Variants in ERBB4 observed in about 807,000 individuals in gnomAD.
ERBB4 encodes the protein receptor tyrosine-protein kinase erbB-4.
A neutral mutation model predicts 158.0 loss-of-function variants in ERBB4; 42 were observed. The observed-to-expected ratio is 0.27, with a 90% CI of 0.21 to 0.34. The LOEUF (loss-of-function observed/expected upper bound fraction) is 0.34, where lower values mean the gene tolerates loss of function less well. Ranked by LOEUF, ERBB4 falls within the 10% of genes least tolerant of loss-of-function variation. The probability of loss-of-function intolerance (pLI) is 1.00; values close to 1 mark genes in which losing one functional copy is unlikely to be tolerated. For synonymous variants in ERBB4, 583 were observed against 558.7 expected, an observed-to-expected ratio of 1.04 and a Z score of -0.61; for missense variants, 1,333 against 1,624.1, an observed-to-expected ratio of 0.82 and a Z score of 3.08.
intron 2 of ERBB4, among the ~76,000 whole-genome samples, chr2:212,067,760 T>C (rs1055690721): frequency 6.6e-6 from 1 of 152,036 alleles, no homozygotes; most frequent in Non-Finnish European, 1.5e-5. Context: ...CTTAATTTTC[T>C]CTTTACTTAT....
chr2:212,318,032 T>C (rs2087374200), intron 1 of ERBB4, among the ~76,000 whole-genome samples: 1 of 151,684 alleles, frequency 6.6e-6, no homozygotes, highest in African/African-American at 2.4e-5. Context: ...TGAATACTTA[T>C]GCTTGATCCA....
At chr2:212,170,748 G>A (rs2081491134) in intron 1 of ERBB4, among the ~76,000 whole-genome samples, 1 of 152,154 alleles carries the variant, frequency 6.6e-6, no homozygotes, top group African/African-American at 2.4e-5. Context: ...TGTTGGGTCT[G>A]CAGGCACATG....
At chr2:211,757,816 A>C (rs1196177131) in intron 4 of ERBB4, among the ~76,000 whole-genome samples, 1 of 152,212 alleles carries the variant, frequency 6.6e-6, no homozygotes, top group African/African-American at 2.4e-5. Context: ...GGCCTTCTGG[A>C]AACATAGATC....
In ERBB4 at chr2:212,095,946, GA is replaced by G. The variant is rs35084866; in HGVS notation, c.234+28805del. 3.1e-3 allele frequency among the ~76,000 whole-genome samples: 404 copies of G among 130,162 alleles called. 1 individual carries two copies. The highest frequency in any genetic ancestry group is 0.011 in the African/African-American group (368 of 34,110). The allele number at this position is 130,162 out of a possible 152,430, so 85.4% of individuals were successfully genotyped here. Reference sequence around the variant, plus strand: ...CGAGACTCTGTCTCAAAAAAAAAAAGAAAAAAAAAAAAAGAAAGAAAGAAGG... The same window carrying G: ...CGAGACTCTGTCTCAAAAAAAAAAAGAAAAAAAAAAAAGAAAGAAAGAAGG... On this transcript the variant is annotated intron_variant, in intron 2 of 27. Transcript: ENST00000342788.
chr2:212,111,274 A>G (rs1320498519), intron 2 of ERBB4, among the ~76,000 whole-genome samples: 4 of 152,190 alleles, frequency 2.6e-5, no homozygotes, highest in Non-Finnish European at 5.9e-5. Flanking sequence ...CTCTGCCTTC[A>G]ACTGCCACTC....
chr2:212,483,295 G>A (rs1206563550), intron 1 of ERBB4, among the ~76,000 whole-genome samples: 2 of 152,162 alleles, frequency 1.3e-5, no homozygotes, highest in Non-Finnish European at 2.9e-5. Flanking sequence ...GAGCATTCAG[G>A]ATTCATAAGT....
At chr2:212,215,485 TTTC>T (rs2083070192) in intron 1 of ERBB4, among the ~76,000 whole-genome samples, 1 of 151,406 alleles carries the variant, frequency 6.6e-6, no homozygotes, top group South Asian at 2.1e-4. Context: ...TGAGTTATGA[TTTC>T]TTAATATTTC....
chr2:212,288,706 G>A (rs1328406318), intron 1 of ERBB4, among the ~76,000 whole-genome samples: 3 of 152,046 alleles, frequency 2.0e-5, no homozygotes, highest in East Asian at 3.9e-4. Context: ...GTTGTGTGAC[G>A]AGAACCCCGT....
chr2:212,302,744 A>G (rs76799245), intron 1 of ERBB4, among the ~76,000 whole-genome samples: 4,598 of 151,606 alleles, frequency 0.03, 181 homozygotes, highest in African/African-American at 0.093. Context: ...AGATTTGCCT[A>G]AGTAATTAGT....
rs948367561 is a variant in ERBB4 at position 212,464,816 on chromosome 2, A to T, written c.82+73633T>A. On this transcript the variant is annotated intron_variant, in intron 1 of 27. Transcript: ENST00000342788. Reference sequence around the variant, plus strand: ...TTTGAAAACAGCAACAATGATTTACATATAGTCGGCACTCAAAACTATTTG... The same window carrying T: ...TTTGAAAACAGCAACAATGATTTACTTATAGTCGGCACTCAAAACTATTTG... Among the ~76,000 whole-genome samples the T allele has an allele frequency of 3.9e-5, 6 of 152,080 alleles. 1 individual carries two copies. Among genetic ancestry groups the T allele is most frequent in the African/African-American group, 1.4e-4 (6 of 41,430 alleles).
At chr2:211,392,184 T>C (rs977880064) in intron 25 of ERBB4, among the ~76,000 whole-genome samples, 5 of 152,210 alleles carry the variant, frequency 3.3e-5, no homozygotes, top group African/African-American at 7.2e-5. Context: ...ACAGGTCACA[T>C]AGCAACATAC....
At chr2:211,811,726 T>C (rs577969903) in intron 3 of ERBB4, among the ~76,000 whole-genome samples, 31 of 152,330 alleles carry the variant, frequency 2.0e-4, no homozygotes, top group African/African-American at 7.2e-4. Flanking sequence ...TTTACTCTTT[T>C]TTTTTCTAAA....
intron 4 of ERBB4, among the ~76,000 whole-genome samples, chr2:211,763,365 G>T (rs542270842): frequency 6.6e-6 from 1 of 152,236 alleles, no homozygotes; most frequent in Non-Finnish European, 1.5e-5. Flanking sequence ...AGAAATGAGT[G>T]TTGTCATGGG....
chr2:212,328,466 G>T (rs1309293363), intron 1 of ERBB4, among the ~76,000 whole-genome samples: 1 of 151,992 alleles, frequency 6.6e-6, no homozygotes, highest in African/African-American at 2.4e-5. Flanking sequence ...ACTTCATCTT[G>T]TTGGGGAATA....
At chr2:211,398,657 C>T (rs905476587) in intron 25 of ERBB4, among the ~76,000 whole-genome samples, 3 of 152,076 alleles carry the variant, frequency 2.0e-5, no homozygotes, top group Admixed American at 2.0e-4. Flanking sequence ...ATGGTGAAAC[C>T]CCATCTCTAC....
intron 2 of ERBB4, among the ~76,000 whole-genome samples, chr2:212,105,168 T>C (rs2079188605): frequency 6.6e-6 from 1 of 152,204 alleles, no homozygotes; most frequent in Non-Finnish European, 1.5e-5. Flanking sequence ...GCAGAAAACC[T>C]AATATGAAAA....
chr2:212,420,830 G>C (rs2091775523), intron 1 of ERBB4, among the ~76,000 whole-genome samples: 2 of 152,120 alleles, frequency 1.3e-5, no homozygotes, highest in South Asian at 4.1e-4. Context: ...AGCATTATGA[G>C]GACAGAGGAT....
At chr2:211,890,030 G>A (rs879039685) in intron 3 of ERBB4, among the ~76,000 whole-genome samples, 89 of 92,970 alleles carry the variant, frequency 9.6e-4, no homozygotes, top group African/African-American at 4.1e-3. Flanking sequence ...GCAGGCCAAC[G>A]TTCAGATTCA....
At chr2:212,109,296 T>A (rs970164272) in intron 2 of ERBB4, among the ~76,000 whole-genome samples, 1 of 152,230 alleles carries the variant, frequency 6.6e-6, no homozygotes, top group East Asian at 1.9e-4. Flanking sequence ...AAGAATGCTC[T>A]GATTGTTAGC....
Sources: allele counts gnomAD v4.1 joint callset (sites outside exome capture counted in the v4.1 genomes callset), GRCh38; gene constraint gnomAD v4.1.1; transcripts MANE v1.5; gene names NCBI Gene and HGNC (gene_info 2026-07-23, HGNC 2026-07-21).